Variants in NIPAL3 observed in about 807,000 individuals in gnomAD.
NIPAL3 encodes NIPA-like protein 3.
NIPAL3 carries 41 observed loss-of-function variants against 47.2 expected under a neutral mutation model. The observed-to-expected ratio is 0.87, with a 90% CI of 0.68 to 1.13. The LOEUF (loss-of-function observed/expected upper bound fraction) is 1.13, where lower values mean the gene tolerates loss of function less well. NIPAL3 is among the 50% of genes most tolerant of loss of function. The pLI is 0.00. For missense variants in NIPAL3, 449 were observed against 530.1 expected, an observed-to-expected ratio of 0.85 and a Z score of 1.50; for synonymous variants, 194 against 209.6, an observed-to-expected ratio of 0.93 and a Z score of 0.64.
chr1:24,433,381 G>T (rs912625207), intron 2 of NIPAL3, among the ~76,000 whole-genome samples: 1 of 152,174 alleles, frequency 6.6e-6, no homozygotes, highest in Non-Finnish European at 1.5e-5. Flanking sequence ...GGGTTGAGGG[G>T]GTTGGGTATG....
Position 24,458,231 on chromosome 1 carries a change from G to A in NIPAL3, c.774-657G>A, listed in dbSNP as rs1261952202. Among the ~76,000 whole-genome samples, 3 of 152,330 alleles carry A rather than the reference G, an allele frequency of 2.0e-5. No individual in the cohort carries two copies. In the East Asian group the frequency reaches 5.8e-4, roughly 29 times the overall value. ...TTGAGCCCCGTAGTTAGAGGCTGTG[G>A]TGAGCTGTCATTTTGCCACTGCACT... On this transcript the variant is annotated intron_variant, in intron 8 of 11. Transcript: ENST00000374399.
chr1:24,439,101 T>A (rs1645260998), intron 2 of NIPAL3, among the ~76,000 whole-genome samples: 1 of 152,174 alleles, frequency 6.6e-6, no homozygotes, highest in African/African-American at 2.4e-5. Context: ...GTTCACTTAT[T>A]TGGGTGATGG....
At chr1:24,440,369 A>G (rs1645321231) in intron 3 of NIPAL3, 129 bp downstream of exon 3, 3 of 594,342 alleles carry the variant, frequency 5.0e-6, no homozygotes, top group Non-Finnish European at 8.0e-6. Context: ...CACCTGGGAC[A>G]ATACCTTGTG....
At chr1:24,467,192 G>A (rs1302997486) in intron 11 of NIPAL3, among the ~76,000 whole-genome samples, 4 of 152,152 alleles carry the variant, frequency 2.6e-5, no homozygotes, top group Admixed American at 6.5e-5. Context: ...GGCCAGGCAC[G>A]GTGGCTCACG....
chr1:24,446,548 TA>T (rs1199919923), intron 5 of NIPAL3, among the ~76,000 whole-genome samples: 1 of 152,156 alleles, frequency 6.6e-6, no homozygotes, highest in Non-Finnish European at 1.5e-5. Context: ...GTTCCTGCAT[TA>T]GTTTGCTGAG....
At position 24,458,898 on chromosome 1, in the gene NIPAL3, C is replaced by G. The variant is rs1336595155; in HGVS notation, c.784C>G (p.Gln262Glu). The G allele has an allele frequency of 6.2e-7, 1 of 1,614,008 alleles. No homozygotes were observed. The highest frequency in any genetic ancestry group is 1.7e-5 in the Admixed American group (1 of 60,008). The change falls in exon 9 of 12, where the codon CAA becomes GAA. Residue 262 changes from glutamine (Q) to glutamate (E), a missense_variant. Gln to Glu is a conservative substitution (Grantham distance 29). Coordinates refer to ENST00000374399, the MANE Select transcript of NIPAL3 (RefSeq NM_020448.5). ...TAVYQAAFLSQASQMYDSSLI... is the reference protein window; with the variant it reads ...TAVYQAAFLSEASQMYDSSLI... ...GCTTTTGTGTTGAAGGTTTTTGAGTCAAGCCTCACAGATGTACGACTCCTC... is the reference window on the plus strand; with the variant it reads ...GCTTTTGTGTTGAAGGTTTTTGAGTGAAGCCTCACAGATGTACGACTCCTC...
intron 7 of NIPAL3, among the ~76,000 whole-genome samples, chr1:24,453,866 C>T (rs11249117): frequency 6.6e-6 from 1 of 151,988 alleles, no homozygotes; most frequent in South Asian, 2.1e-4. Context: ...CGATTGAGCC[C>T]TGAAAAGATC....
chr1:24,440,662 CTG>C (rs1645337397), intron 3 of NIPAL3, among the ~76,000 whole-genome samples: 1 of 152,212 alleles, frequency 6.6e-6, no homozygotes, highest in Non-Finnish European at 1.5e-5. Context: ...CTCGGCCTGT[CTG>C]AGTTCACAAG....
intron 3 of NIPAL3, among the ~76,000 whole-genome samples, chr1:24,440,542 T>TA (rs1379895233): frequency 6.6e-6 from 1 of 152,224 alleles, no homozygotes; most frequent in Non-Finnish European, 1.5e-5. Flanking sequence ...CTGCTGGAAT[T>TA]ACCATAGTTT....
rs1646943813 is a variant in NIPAL3, at chr1:24,472,678, AG to A, written c.*3494del. On this transcript the variant is annotated 3_prime_UTR_variant, in exon 12 of 12. Transcript: ENST00000374399. ...CTCCATTGCTTTTCTAGTGGAAACC[AG>A]CCAGTTTGACGGCACGGTGCGGATA... 1 of 152,204 alleles carries A rather than the reference AG, an allele frequency of 6.6e-6. No homozygotes were observed. The highest frequency in any genetic ancestry group is 1.5e-5 in the Non-Finnish European group (1 of 68,040). 9.4% of individuals were successfully genotyped at this position (152,204 alleles called of 1,614,324 possible). A position where few individuals can be genotyped will look rare whatever the true frequency, so the allele number is the denominator to read the frequency against.
chr1:24,453,003 C>T (rs1646017766), intron 6 of NIPAL3, among the ~76,000 whole-genome samples: 1 of 151,978 alleles, frequency 6.6e-6, no homozygotes, highest in African/African-American at 2.4e-5. Context: ...TGCCTGGCCT[C>T]ACATTCTTGA....
chr1:24,448,030 G>C (rs1268996491), intron 5 of NIPAL3, among the ~76,000 whole-genome samples: 1 of 152,206 alleles, frequency 6.6e-6, no homozygotes. Context: ...GAAAACTTTA[G>C]ATAACAGACC....
intron 3 of NIPAL3, among the ~76,000 whole-genome samples, chr1:24,441,818 G>C (rs1419456984): frequency 1.3e-5 from 2 of 152,042 alleles, no homozygotes; most frequent in African/African-American, 4.8e-5. Context: ...TGGGTATTTT[G>C]ACAGAGCTTC....
chr1:24,448,785 G>A (rs959234840), intron 5 of NIPAL3, among the ~76,000 whole-genome samples: 4 of 152,058 alleles, frequency 2.6e-5, no homozygotes, highest in Non-Finnish European at 5.9e-5. Flanking sequence ...ATATCCTATG[G>A]AGGAATTCCA....
Position 24,458,254 on chromosome 1 carries a change from A to G in NIPAL3, c.774-634A>G, listed in dbSNP as rs190398829. On this transcript the variant is annotated intron_variant, in intron 8 of 11. Transcript: ENST00000374399. ...TGGTGAGCTGTCATTTTGCCACTGC[A>G]CTCCAGCCTAGGCCACAAAGCGAAG... Among the ~76,000 whole-genome samples, 819 of 152,264 alleles carry G rather than the reference A, an allele frequency of 5.4e-3. 3 individuals are homozygous for G. The highest frequency in any genetic ancestry group is 9.4e-3 in the Non-Finnish European group (641 of 68,000).
At chr1:24,438,324 T>C (rs369022953) in intron 2 of NIPAL3, among the ~76,000 whole-genome samples, 4 of 152,276 alleles carry the variant, frequency 2.6e-5, no homozygotes, top group East Asian at 1.9e-4. Context: ...GTGGTGAGGT[T>C]GTGGCAGAGC....
At chr1:24,464,404 A>G (rs1336841518) in intron 11 of NIPAL3, 3 of 214,416 alleles carry the variant, frequency 1.4e-5, no homozygotes, top group Non-Finnish European at 2.7e-5. Context: ...CCCAGGCTTC[A>G]TGCCTGCAAA....
chr1:24,434,315 T>G (rs1338436110), intron 2 of NIPAL3, among the ~76,000 whole-genome samples: 1 of 152,052 alleles, frequency 6.6e-6, no homozygotes, highest in Non-Finnish European at 1.5e-5. Flanking sequence ...TTAAACAAAA[T>G]AGACTTGAAG....
rs960777721 is a variant in NIPAL3 at position 24,454,125 on chromosome 1, C to T, written c.637+621C>T. ...CTCTGCAGCCTTGACCTCCTGGCCT[C>T]AAGTGATCCCCCTGCCTCGGCCTCC... On this transcript the variant is annotated intron_variant, in intron 7 of 11. Coordinates refer to ENST00000374399, the MANE Select transcript of NIPAL3 (RefSeq NM_020448.5). This position sits in a 1 kb window ranked among gnomAD's most constrained non-coding sequence, Gnocchi z 4.1. 6.6e-6 allele frequency: 8 copies of T among 1,219,152 alleles called. No individual in the cohort carries two copies. The highest frequency in any genetic ancestry group is 8.5e-6 in the Non-Finnish European group (8 of 937,482). 75.5% of individuals were successfully genotyped at this position (1,219,152 alleles called of 1,614,324 possible).
Sources: allele counts gnomAD v4.1 joint callset (sites outside exome capture counted in the v4.1 genomes callset), GRCh38; gene constraint gnomAD v4.1.1; non-coding constraint Gnocchi (gnomAD v3.1); transcripts MANE v1.5; gene names NCBI Gene and HGNC (gene_info 2026-07-23, HGNC 2026-07-21).